Variants in SULF1 observed in about 807,000 individuals in gnomAD.
The protein encoded by SULF1 is sulfatase 1.
In SULF1, 46 loss-of-function variants were observed where a neutral mutation model predicts 110.5. The observed-to-expected ratio is 0.42, with a 90% confidence interval of 0.33 to 0.53. The LOEUF (loss-of-function observed/expected upper bound fraction) is 0.53, where lower values mean the gene tolerates loss of function less well. Ranked by LOEUF, SULF1 falls within the 20% of genes least tolerant of loss-of-function variation. The probability of loss-of-function intolerance (pLI) is 0.12; values close to 1 mark genes in which losing one functional copy is unlikely to be tolerated. For synonymous variants in SULF1, 371 were observed against 387.1 expected (o/e 0.96, Z 0.49); for missense variants, 941 against 1,094.2 (o/e 0.86, Z 1.98).
intron 8 of SULF1, among the ~76,000 whole-genome samples, chr8:69,592,712 A>G (rs1806999307): frequency 6.6e-6 from 1 of 152,252 alleles, no homozygotes. Flanking sequence ...ATAAGTGTCA[A>G]TTCTTATTGA....
At chr8:69,486,066 A>G (rs1809694070) in intron 1 of SULF1, among the ~76,000 whole-genome samples, 1 of 152,172 alleles carries the variant, frequency 6.6e-6, no homozygotes, top group African/African-American at 2.4e-5. Context: ...CTATTTAAAC[A>G]CAGAAACTTG....
chr8:69,534,399 G>A (rs1051889323), intron 3 of SULF1, among the ~76,000 whole-genome samples: 35 of 152,080 alleles, frequency 2.3e-4, no homozygotes, highest in African/African-American at 6.5e-4. Flanking sequence ...TATTAACTCC[G>A]TCTTTAAGAG....
chr8:69,539,389 T>C (rs1813705004), intron 3 of SULF1, among the ~76,000 whole-genome samples: 1 of 152,192 alleles, frequency 6.6e-6, no homozygotes, highest in African/African-American at 2.4e-5. Context: ...CATTTAGATG[T>C]CCTAATATTT....
intron 3 of SULF1, among the ~76,000 whole-genome samples, chr8:69,512,330 T>A (rs752195199): frequency 2.6e-5 from 4 of 152,014 alleles, no homozygotes; most frequent in Non-Finnish European, 5.9e-5. Context: ...ATCTACCAAG[T>A]GAAAGTTAAA....
intron 6 of SULF1, among the ~76,000 whole-genome samples, chr8:69,581,314 C>A (rs764210831): frequency 3.9e-5 from 6 of 152,212 alleles, no homozygotes; most frequent in Non-Finnish European, 8.8e-5. Flanking sequence ...TCTGCGGCAT[C>A]AGATCTTTGG....
At chr8:69,481,886 T>C (rs1279596834) in intron 1 of SULF1, among the ~76,000 whole-genome samples, 2 of 152,194 alleles carry the variant, frequency 1.3e-5, no homozygotes, top group South Asian at 2.1e-4. Flanking sequence ...TATTTATATC[T>C]CAGTTGTTGT....
At chr8:69,620,915 C>G in intron 13 of SULF1, 120 bp from the exon 14 acceptor site, 1 of 727,008 alleles carries the variant, frequency 1.4e-6, no homozygotes, top group East Asian at 2.7e-5. Flanking sequence ...CATTCACTCT[C>G]CTTAATGATA....
rs370154398 is a variant in SULF1 at position 69,473,826 on chromosome 8, C to T, written c.-391+6876C>T. 3.7e-4 allele frequency among the ~76,000 whole-genome samples: 57 copies of T among 152,294 alleles called. 1 individual carries two copies. In the South Asian group the frequency reaches 8.5e-3, roughly 23 times the overall value. On this transcript the variant is annotated intron_variant, in intron 1 of 22. Coordinates refer to the SULF1 transcript ENST00000260128. ...CTGTAACCAGATGCTAGTTCTGTTG[C>T]TAGAATTAATGGAAACTCTGAACTA...
intron 3 of SULF1, among the ~76,000 whole-genome samples, chr8:69,528,327 G>A (rs758316838): frequency 2.0e-5 from 3 of 152,194 alleles, no homozygotes; most frequent in Non-Finnish European, 4.4e-5. Flanking sequence ...TAGGACAGTT[G>A]TAGGGATGGG....
At chr8:69,490,742 G>A (rs1809901015), upstream of SULF1, among the ~76,000 whole-genome samples, 1 of 152,136 alleles carries the variant, frequency 6.6e-6, no homozygotes, top group African/African-American at 2.4e-5. Context: ...TCAAATCCTA[G>A]TTCTGTCACT....
At chr8:69,490,890 A>G (rs1380030577), upstream of SULF1, among the ~76,000 whole-genome samples, 1 of 152,220 alleles carries the variant, frequency 6.6e-6, no homozygotes, top group Non-Finnish European at 1.5e-5. Context: ...TAGCTATAAT[A>G]AAGGTTATGG....
At chr8:69,638,478 G>A (rs543627907) in intron 19 of SULF1, 24 bp from the exon 20 acceptor site, 7 of 1,605,850 alleles carry the variant, frequency 4.4e-6, no homozygotes, top group African/African-American at 1.3e-5. Context: ...TTGTTTTGTT[G>A]TGTTTTTCTT....
chr8:69,558,951 C>A (rs570409205), intron 3 of SULF1, among the ~76,000 whole-genome samples: 69 of 152,036 alleles, frequency 4.5e-4, no homozygotes, highest in Admixed American at 8.5e-4. Context: ...ACTTTCCAAA[C>A]AAAAAAATTG....
chr8:69,601,968 GA>G, intron 10 of SULF1, 139 bp downstream of exon 10: 2 of 859,046 alleles, frequency 2.3e-6, no homozygotes, highest in South Asian at 2.5e-5. Context: ...TTTCGAAGAT[GA>G]AAACCTTTTC....
intron 22 of SULF1, among the ~76,000 whole-genome samples, chr8:69,647,290 A>G (rs1811993115): frequency 6.6e-6 from 1 of 152,184 alleles, no homozygotes; most frequent in African/African-American, 2.4e-5. Context: ...AATGGATGAC[A>G]AAATTGCAGT....
intron 3 of SULF1, among the ~76,000 whole-genome samples, chr8:69,547,661 T>C (rs1271987671): frequency 6.6e-6 from 1 of 152,132 alleles, no homozygotes; most frequent in Non-Finnish European, 1.5e-5. Flanking sequence ...CCTTTCAAAG[T>C]GTGCCGTCTG....
chr8:69,518,784 C>T (rs959003184), intron 3 of SULF1, among the ~76,000 whole-genome samples: 1 of 152,186 alleles, frequency 6.6e-6, no homozygotes, highest in African/African-American at 2.4e-5. Flanking sequence ...ATTCAAGGTA[C>T]AGCCCCCAGT....
chr8:69,607,805 T>C (rs1808342219), intron 13 of SULF1, among the ~76,000 whole-genome samples: 1 of 152,214 alleles, frequency 6.6e-6, no homozygotes, highest in Admixed American at 6.5e-5. Context: ...GACACTGAAT[T>C]GTTCAGGTTC....
chr8:69,521,717 C>G (rs1281369006), intron 3 of SULF1, among the ~76,000 whole-genome samples: 1 of 151,944 alleles, frequency 6.6e-6, no homozygotes, highest in Non-Finnish European at 1.5e-5. Context: ...GGCTATTTCT[C>G]CAGATGAAAA....
Sources: gnomAD v4.1 joint callset for allele counts (sites outside exome capture counted in the v4.1 genomes callset) on GRCh38, gnomAD v4.1.1 for gene constraint, MANE v1.5 for transcripts, NCBI Gene and HGNC (gene_info 2026-07-23, HGNC 2026-07-21) for gene names.